The following USP44 variants were observed in gnomAD, a reference collection of about 807,000 sequenced individuals.
The protein encoded by USP44 is ubiquitin carboxyl-terminal hydrolase 44.
Under a neutral mutation model 69.0 loss-of-function variants are expected in USP44, and 61 were observed. That is an observed-to-expected ratio of 0.88 (90% CI 0.72 to 1.09). The LOEUF is 1.09. USP44 is among the 50% of genes least tolerant of loss of function. USP44 has a pLI of 0.00. For missense variants in USP44, 753 were observed against 849.9 expected, an observed-to-expected ratio of 0.89 and a Z score of 1.42; for synonymous variants, 297 against 295.4, an observed-to-expected ratio of 1.01 and a Z score of -0.06.
Position 95,518,024 on chromosome 12 carries a change from A to ATTGT in USP44, c.*126_*129dup. 4.1e-6 allele frequency: 4 copies of ATTGT among 978,468 alleles called. No homozygotes were observed. The South Asian group carries it at 6.1e-5, about 15-fold the overall frequency. 60.6% of individuals were successfully genotyped at this position (978,468 alleles called of 1,614,324 possible). Reference sequence around the variant, plus strand: ...ACATTTATACTTTGTAAAAAAAAAAATTGTTAGATATAAAATGTATAAATG... The same window carrying ATTGT: ...ACATTTATACTTTGTAAAAAAAAAAATTGTTTGTTAGATATAAAATGTATAAATG... On this transcript the variant is annotated 3_prime_UTR_variant, in exon 6 of 6. Coordinates refer to ENST00000258499, the MANE Select transcript of USP44 (RefSeq NM_032147.5).
At chr12:95,527,836 C>T (rs201428736) in intron 3 of USP44, among the ~76,000 whole-genome samples, 72 of 54,836 alleles carry the variant, frequency 1.3e-3, no homozygotes, top group African/African-American at 5.2e-3. Context: ...GAGGAAGATG[C>T]TTTTTTTTTT....
At chr12:95,540,047 C>G (rs529658842) in intron 1 of USP44, among the ~76,000 whole-genome samples, 1 of 152,078 alleles carries the variant, frequency 6.6e-6, no homozygotes, top group African/African-American at 2.4e-5. Flanking sequence ...TAGTGTAATA[C>G]CTTCCTGTTG....
chr12:95,541,305 T>C (rs1205426666), intron 1 of USP44, among the ~76,000 whole-genome samples: 1 of 152,136 alleles, frequency 6.6e-6, no homozygotes, highest in Non-Finnish European at 1.5e-5. Flanking sequence ...TAATTCTGGC[T>C]GGGCACAGTG....
chr12:95,541,089 T>C (rs568479651), intron 1 of USP44, among the ~76,000 whole-genome samples: 136 of 151,932 alleles, frequency 9.0e-4, no homozygotes, highest in Admixed American at 5.5e-3. Flanking sequence ...ACCAGCCTGG[T>C]CAACATGGTG....
intron 3 of USP44, among the ~76,000 whole-genome samples, chr12:95,526,459 C>T (rs1395175576): frequency 1.3e-5 from 2 of 152,118 alleles, no homozygotes; most frequent in Non-Finnish European, 2.9e-5. Context: ...GTAGTCCCAG[C>T]TACTCGGGAG....
At position 95,532,817 on chromosome 12, in the gene USP44, A is replaced by G. The variant is rs981900005; in HGVS notation, c.1428+12T>C. The G allele has an allele frequency of 1.3e-6, 2 of 1,552,404 alleles. No homozygotes were observed. ...TCCCAATGATGAAAATAAGATTCTT[A>G]AAAATCCATACCTGACTAAGAAGTT... On this transcript the variant is annotated intron_variant, in intron 2 of 5. Coordinates refer to ENST00000258499, the MANE Select transcript of USP44 (RefSeq NM_032147.5).
chr12:95,528,327 G>T (rs1239186964), intron 3 of USP44, among the ~76,000 whole-genome samples: 2 of 152,206 alleles, frequency 1.3e-5, no homozygotes, highest in Admixed American at 1.3e-4. Context: ...AAGAGACAGT[G>T]CATGGTTTTG....
chr12:95,521,189 T>C lies in USP44; in HGVS notation c.1747A>G (p.Asn583Asp), dbSNP rs529012446. 6.2e-7 allele frequency: 1 copy of C among 1,614,204 alleles called. No homozygotes were observed. ...HLKRFRWSGR[N>D]NREKIGVHVG... ...TGAACACCAATCTTCTCTCGGTTAT[T>C]ACGTCCTGACCACCTGTGAACAAAC... Residue 583 changes from asparagine (N) to aspartate (D), a missense_variant, in exon 5 of 6, where the codon AAT (asparagine) becomes GAT (aspartate). Transcript: ENST00000258499.
chr12:95,529,129 T>C, intron 2 of USP44, 127 bp from the exon 3 acceptor site: 1 of 802,166 alleles, frequency 1.2e-6, no homozygotes, highest in South Asian at 2.6e-5. Flanking sequence ...TTCTGAATAA[T>C]CTGCTTTATA....
intron 1 of USP44, among the ~76,000 whole-genome samples, chr12:95,536,662 G>C (rs1017289717): frequency 1.3e-5 from 2 of 152,084 alleles, no homozygotes; most frequent in Non-Finnish European, 2.9e-5. Context: ...CCTGATCCAA[G>C]CTACAATCAA....
At chr12:95,531,378 GA>G (rs1214421978) in intron 2 of USP44, among the ~76,000 whole-genome samples, 1 of 151,858 alleles carries the variant, frequency 6.6e-6, no homozygotes, top group Non-Finnish European at 1.5e-5. Context: ...ATGTGCAGGA[GA>G]AAAAAAGACT....
intron 4 of USP44, among the ~76,000 whole-genome samples, chr12:95,523,395 A>C (rs1447366073): frequency 6.6e-6 from 1 of 152,190 alleles, no homozygotes; most frequent in Non-Finnish European, 1.5e-5. Flanking sequence ...CCAGGTAGAC[A>C]GTGTCAGAAC....
At chr12:95,537,391 T>C (rs531056570) in intron 1 of USP44, among the ~76,000 whole-genome samples, 5 of 152,264 alleles carry the variant, frequency 3.3e-5, no homozygotes, top group Non-Finnish European at 5.9e-5. Context: ...CTATCTTAGC[T>C]CACTGCAACC....
chr12:95,522,121 C>T (rs773861406), intron 4 of USP44: 449 of 984,848 alleles, frequency 4.6e-4, no homozygotes, highest in Non-Finnish European at 4.3e-4. Context: ...GTTGGTGCTA[C>T]GAGGGGAAAA....
rs1192172431 is a variant in USP44, at chr12:95,533,205, C to G, written c.1052G>C (p.Ser351Thr). The stretch of plus-strand genomic sequence containing the variant: ...TCCACCACTTAGTCCTGATGACAGA[C>G]TTGATTGTCTGGAGCAAACAAAACC... ...DTGFVCSRQS[S>T]LSSGLSGGAS... Residue 351 changes from serine to threonine, a missense_variant, in exon 2 of 6, where the codon AGT (serine) becomes ACT (threonine). Coordinates refer to ENST00000258499, the MANE Select transcript of USP44 (RefSeq NM_032147.5). 3.1e-6 allele frequency: 5 copies of G among 1,614,134 alleles called. No homozygotes were observed. Among genetic ancestry groups the G allele is most frequent in the Non-Finnish European group, 4.2e-6 (5 of 1,179,992 alleles).
intron 3 of USP44, among the ~76,000 whole-genome samples, chr12:95,527,355 A>G (rs576017953): frequency 1.0e-3 from 158 of 151,960 alleles, no homozygotes; most frequent in Non-Finnish European, 1.8e-3. Context: ...TCAGCCTCCC[A>G]AAGTGCTGGG....
rs151059563 is a variant in USP44, at chr12:95,531,315, T to C, written c.1428+1514A>G. 1.2e-3 allele frequency among the ~76,000 whole-genome samples: 189 copies of C among 151,996 alleles called. 1 individual carries two copies. The highest frequency in any genetic ancestry group is 4.4e-3 in the African/African-American group (182 of 41,424). On this transcript the variant is annotated intron_variant, in intron 2 of 5. Transcript: ENST00000258499. Reference sequence around the variant, plus strand: ...ATTGGAAAATAATTACAATATTAAATGGGAAAAGCAGATAAATGCAAAATG... The same window carrying C: ...ATTGGAAAATAATTACAATATTAAACGGGAAAAGCAGATAAATGCAAAATG...
chr12:95,541,059 C>T (rs1253277418), intron 1 of USP44, among the ~76,000 whole-genome samples: 1 of 152,118 alleles, frequency 6.6e-6, no homozygotes, highest in Admixed American at 6.5e-5. Flanking sequence ...GCGGGCGGAT[C>T]ACGAGGTCAG....
At chr12:95,541,447 C>A (rs56274438) in intron 1 of USP44, among the ~76,000 whole-genome samples, 7,932 of 151,936 alleles carry the variant, frequency 0.052, 443 homozygotes, top group African/African-American at 0.14. Context: ...GGCACAGTTG[C>A]GTGTGCCTAT....
Sources: allele counts gnomAD v4.1 joint callset (sites outside exome capture counted in the v4.1 genomes callset), GRCh38; gene constraint gnomAD v4.1.1; transcripts MANE v1.5; gene names NCBI Gene and HGNC (gene_info 2026-07-23, HGNC 2026-07-21).